Variants in TNRC18 observed in about 807,000 individuals in gnomAD.
TNRC18 encodes trinucleotide repeat containing 18, also known as trinucleotide repeat-containing gene 18 protein.
TNRC18 carries 69 observed loss-of-function variants against 226.7 expected under a neutral mutation model. The observed-to-expected ratio is 0.30, with a 90% CI of 0.25 to 0.37. The LOEUF is 0.37. TNRC18 is among the 10% of genes least tolerant of loss of function. The pLI, the probability that TNRC18 is intolerant of heterozygous loss-of-function variation, is 1.00. For missense variants in TNRC18, 4,754 were observed against 4,256.6 expected (o/e 1.12, Z -3.25); for synonymous variants, 2,449 against 1,927.6 (o/e 1.27, Z -7.09).
intron 10 of TNRC18, among the ~76,000 whole-genome samples, chr7:5,371,917 G>C (rs1032175074): frequency 6.6e-6 from 1 of 151,832 alleles, no homozygotes; most frequent in African/African-American, 2.4e-5. Context: ...TTTTTTTTGA[G>C]ACAGAACTTC....
chr7:5,321,350 G>A (rs1306317522), intron 21 of TNRC18, among the ~76,000 whole-genome samples, 160 bp from the exon 22 acceptor site: 1 of 152,158 alleles, frequency 6.6e-6, no homozygotes, highest in East Asian at 1.9e-4. Flanking sequence ...GCCTGTGTGT[G>A]TACCCGTGCA....
At chr7:5,320,262 C>G (rs1393726862) in intron 24 of TNRC18, 56 bp downstream of exon 24, 25 of 1,411,124 alleles carry the variant, frequency 1.8e-5, no homozygotes, top group Non-Finnish European at 2.4e-5. Context: ...AGTAGCCAAA[C>G]AAGTCCATAC....
intron 17 of TNRC18, among the ~76,000 whole-genome samples, chr7:5,351,380 T>G (rs1416298383): frequency 6.6e-6 from 1 of 151,688 alleles, no homozygotes; most frequent in African/African-American, 2.4e-5. Context: ...ACGACAGAAT[T>G]CCATTTACAA....
intron 14 of TNRC18, among the ~76,000 whole-genome samples, chr7:5,360,325 G>C (rs1452701030): frequency 6.6e-6 from 1 of 152,002 alleles, no homozygotes; most frequent in Non-Finnish European, 1.5e-5. Context: ...TGCCTCCCAG[G>C]TTCAAGCAAT....
chr7:5,381,781 C>T (rs746352261), intron 5 of TNRC18, among the ~76,000 whole-genome samples: 27 of 152,242 alleles, frequency 1.8e-4, no homozygotes, highest in Non-Finnish European at 3.4e-4. Context: ...GCCTGGCTAA[C>T]ATGGTGAAAC....
chr7:5,319,349 G>C (rs971633925), intron 24 of TNRC18, among the ~76,000 whole-genome samples: 1 of 151,350 alleles, frequency 6.6e-6, no homozygotes. Flanking sequence ...CTTTTTTTTT[G>C]CACGGGCGGG....
chr7:5,371,165 C>A lies in TNRC18; in HGVS notation c.3429G>T (p.Pro1143=), dbSNP rs781364966. 1.2e-6 allele frequency: 2 copies of A among 1,607,800 alleles called. No individual in the cohort carries two copies. Among genetic ancestry groups the A allele is most frequent in the Non-Finnish European group, 1.7e-6 (2 of 1,175,736 alleles). ...IRLSPSKITE[P]LREGPEEEPL... is the part of the protein sequence containing the mutation. ...GTTCTTCCTCCGGGCCCTCCCGCAG[C>A]GGCTCTGTGATCTTGGAGGGGGACA... Residue 1143 remains proline (P), a synonymous_variant, in exon 11 of 30, where the codon CCG becomes CCT. Transcript: ENST00000430969.
chr7:5,325,132 G>A lies in TNRC18; in HGVS notation c.6264C>T (p.Ser2088=). ...CCTCCTTCCCTTTGGCCTTGGCTTT[G>A]CTCCTTTTGGCAGCGGTCAGGGAGC... ...HASSLTAAKR[S]KAKAKGKEVK... The change falls in exon 20 of 30, where the codon AGC becomes AGT. Residue 2088 remains serine, a synonymous_variant. Coordinates refer to ENST00000430969, the MANE Select transcript of TNRC18 (RefSeq NM_001080495.3). 1 of 1,550,772 alleles carries A rather than the reference G, an allele frequency of 6.4e-7. No individual in the cohort carries two copies. The highest frequency in any genetic ancestry group is 8.7e-7 in the Non-Finnish European group (1 of 1,147,322).
intron 2 of TNRC18, among the ~76,000 whole-genome samples, chr7:5,413,161 G>C (rs1398705111): frequency 6.6e-6 from 1 of 152,168 alleles, no homozygotes; most frequent in Non-Finnish European, 1.5e-5. Context: ...AAAAGCCGGG[G>C]CAAGGGTCTG....
chr7:5,363,857 G>T (rs1793338177), intron 11 of TNRC18, among the ~76,000 whole-genome samples: 1 of 102,790 alleles, frequency 9.7e-6, no homozygotes, highest in Admixed American at 9.1e-5. Context: ...GCAGAAAGGT[G>T]TAAAAAAAAA....
In TNRC18 at chr7:5,374,431, G is replaced by A; in HGVS notation, c.2853C>T (p.Ser951=). 6.5e-7 allele frequency: 1 copy of A among 1,544,628 alleles called. No individual in the cohort carries two copies. The highest frequency in any genetic ancestry group is 1.4e-5 in the African/African-American group (1 of 72,352). ...TGCCCGCAGCCTCCAGGCCCCGCTTGCTCCCCTTCTCTTCCATCTCCGCCC... is the reference window on the plus strand; with the variant it reads ...TGCCCGCAGCCTCCAGGCCCCGCTTACTCCCCTTCTCTTCCATCTCCGCCC... The part of the protein sequence containing the change: ...EHRAEMEEKG[S]KRGLEAAGKA... Residue 951 remains serine (S), a synonymous_variant, in exon 10 of 30, where the codon AGC becomes AGT. Coordinates refer to ENST00000430969, the MANE Select transcript of TNRC18 (RefSeq NM_001080495.3).
chr7:5,402,570 G>A (rs1330792044), intron 2 of TNRC18, among the ~76,000 whole-genome samples: 1 of 148,186 alleles, frequency 6.7e-6, no homozygotes, highest in Non-Finnish European at 1.5e-5. Flanking sequence ...TAATATTTAT[G>A]CGGCTGGGCG....
At position 5,359,398 on chromosome 7, in the gene TNRC18, C is replaced by T; in HGVS notation, c.4833G>A (p.Gln1611=). ...ACACCTGGAAGACTGGGTTACTCACCTGACTGATGAAGTCCGACGAGGCCT... is the reference window on the plus strand; with the variant it reads ...ACACCTGGAAGACTGGGTTACTCACTTGACTGATGAAGTCCGACGAGGCCT... ...EHEASSDFIS[Q]LKIKKKKMAS... The change falls in exon 15 of 30, where the codon CAG becomes CAA. Residue 1611 remains glutamine (Q), a splice_region_variant and synonymous_variant. Coordinates refer to ENST00000430969, the MANE Select transcript of TNRC18 (RefSeq NM_001080495.3). 6.2e-7 allele frequency: 1 copy of T among 1,614,028 alleles called. No homozygotes were observed. The highest frequency in any genetic ancestry group is 8.5e-7 in the Non-Finnish European group (1 of 1,179,896).
chr7:5,356,893 G>A, intron 16 of TNRC18, 23 bp downstream of exon 16: 2 of 1,506,396 alleles, frequency 1.3e-6, no homozygotes, highest in Non-Finnish European at 1.8e-6. Flanking sequence ...CGGACCAGAG[G>A]TGGCGCGGCA....
Position 5,345,819 on chromosome 7 carries a change from C to G in TNRC18, c.5471-9G>C. The G allele has an allele frequency of 6.5e-7, 1 of 1,538,784 alleles. No homozygotes were observed. Among genetic ancestry groups the G allele is most frequent in the South Asian group, 1.2e-5 (1 of 83,610 alleles). Reference sequence around the variant, plus strand: ...CTCCTCCGAGCTCTCATCTGGCGTGCAGAAAACAGGGACCGAGTCAGAGCC... The same window carrying G: ...CTCCTCCGAGCTCTCATCTGGCGTGGAGAAAACAGGGACCGAGTCAGAGCC... On this transcript the variant is annotated splice_polypyrimidine_tract_variant and intron_variant, in intron 17 of 29. Transcript: ENST00000430969.
In TNRC18 at chr7:5,332,728, G is replaced by A. The variant is rs1445263221; in HGVS notation, c.6041C>T (p.Pro2014Leu). Reference sequence around the variant, plus strand: ...CTTGGTGGCGGGCGCGGTGCTGACGGGCGCAGGTGCAGCAGCCGAGGCGTC... The same window carrying A: ...CTTGGTGGCGGGCGCGGTGCTGACGAGCGCAGGTGCAGCAGCCGAGGCGTC... ...LHDASAAAPA[P>L]VSTAPATKTS... The change falls in exon 19 of 30, where the codon CCC (proline) becomes CTC (leucine). Residue 2014 changes from proline to leucine, a missense_variant. By Grantham distance (98) the Pro-to-Leu change is moderately conservative (BLOSUM62 -3). Coordinates refer to ENST00000430969, the MANE Select transcript of TNRC18 (RefSeq NM_001080495.3). 2 of 1,524,980 alleles carry A rather than the reference G, an allele frequency of 1.3e-6. No individual in the cohort carries two copies. Among genetic ancestry groups the A allele is most frequent in the East Asian group, 2.5e-5 (1 of 39,588 alleles). 94.5% of individuals were successfully genotyped at this position (1,524,980 alleles called of 1,614,324 possible).
intron 18 of TNRC18, among the ~76,000 whole-genome samples, chr7:5,344,071 C>G (rs958972685): frequency 6.6e-5 from 10 of 152,218 alleles, no homozygotes; most frequent in Admixed American, 2.0e-4. Flanking sequence ...ACCCTTCAGA[C>G]AGTCAACGCA....
intron 2 of TNRC18, among the ~76,000 whole-genome samples, chr7:5,402,010 C>T (rs540171627): frequency 1.6e-3 from 246 of 151,724 alleles, no homozygotes; most frequent in Middle Eastern, 6.8e-3. Context: ...CCCGTCTCTA[C>T]TAAAAACAAA....
chr7:5,388,818 G>T lies in TNRC18; in HGVS notation c.1006C>A (p.Pro336Thr). ...PGPRPCPSPLPPPPAPPKGPP... is the reference protein window; with the variant it reads ...PGPRPCPSPLTPPPAPPKGPP... ...CCCTTGGGGGGCGCGGGCGGCGGGG[G>T]CAGCGGTGAGGGGCAGGGGCGCGGC... The change falls in exon 5 of 30, where the codon CCC becomes ACC. Residue 336 changes from proline (P) to threonine (T), a missense_variant. By Grantham distance (38) the Pro-to-Thr change is conservative (BLOSUM62 -1). Transcript: ENST00000430969. The T allele has an allele frequency of 8.4e-7, 1 of 1,190,370 alleles. No individual in the cohort carries two copies. The highest frequency in any genetic ancestry group is 1.0e-6 in the Non-Finnish European group (1 of 960,206). The allele number at this position is 1,190,370 out of a possible 1,614,324, so 73.7% of individuals were successfully genotyped here.
Sources: allele counts gnomAD v4.1 joint callset (sites outside exome capture counted in the v4.1 genomes callset), GRCh38; gene constraint gnomAD v4.1.1; transcripts MANE v1.5; gene names NCBI Gene and HGNC (gene_info 2026-07-23, HGNC 2026-07-21).